The following CSMD3 variants were observed in gnomAD, a reference collection of about 807,000 sequenced individuals.
CSMD3 encodes the protein CUB and Sushi multiple domains 3.
Under a neutral mutation model 435.2 loss-of-function variants are expected in CSMD3, and 177 were observed. That is an observed-to-expected ratio of 0.41 (90% confidence interval 0.36 to 0.46). The LOEUF is 0.46. Among genes scored for constraint, CSMD3 ranks in the 20% least tolerant of loss-of-function variants. The pLI, the probability that CSMD3 is intolerant of heterozygous loss-of-function variation, is 0.34. For missense variants in CSMD3, 4,265 were observed against 4,504.6 expected, an observed-to-expected ratio of 0.95 and a Z score of 1.52; for synonymous variants, 1,656 against 1,520.5, an observed-to-expected ratio of 1.09 and a Z score of -2.07.
At chr8:112,403,267 C>T (rs1831491072) in intron 35 of CSMD3, among the ~76,000 whole-genome samples, 1 of 152,180 alleles carries the variant, frequency 6.6e-6, no homozygotes. Context: ...CCTGCCTCCA[C>T]TCTAACCCTT....
intron 30 of CSMD3, among the ~76,000 whole-genome samples, chr8:112,495,715 A>G (rs1563617383): frequency 6.6e-6 from 1 of 152,154 alleles, no homozygotes; most frequent in Non-Finnish European, 1.5e-5. Flanking sequence ...TATGAGGCAG[A>G]CAAGTTATCA....
chr8:112,544,908 T>C (rs1407136654), intron 27 of CSMD3, among the ~76,000 whole-genome samples: 2 of 152,188 alleles, frequency 1.3e-5, no homozygotes, highest in Non-Finnish European at 2.9e-5. Context: ...TATTGCAAGA[T>C]AATAAAGCAT....
chr8:112,268,565 A>G (rs1453778580), intron 59 of CSMD3, among the ~76,000 whole-genome samples: 1 of 152,206 alleles, frequency 6.6e-6, no homozygotes, highest in African/African-American at 2.4e-5. Context: ...GCATGTAACT[A>G]TTAATATACA....
chr8:112,464,430 A>G (rs932317902), intron 32 of CSMD3, among the ~76,000 whole-genome samples: 1 of 151,996 alleles, frequency 6.6e-6, no homozygotes, highest in Non-Finnish European at 1.5e-5. Flanking sequence ...TCTAACCTTG[A>G]AGTTACTAAT....
intron 6 of CSMD3, among the ~76,000 whole-genome samples, chr8:112,990,592 G>A (rs2085420525): frequency 6.6e-6 from 1 of 151,830 alleles, no homozygotes; most frequent in Non-Finnish European, 1.5e-5. Context: ...AAGAAAATAA[G>A]TAAATAGTCC....
intron 22 of CSMD3, among the ~76,000 whole-genome samples, chr8:112,602,582 A>AT (rs1338935043): frequency 6.9e-6 from 1 of 144,854 alleles, no homozygotes; most frequent in Non-Finnish European, 1.5e-5. Flanking sequence ...AAAAAAAAAA[A>AT]AGAAAGAAAA....
At chr8:112,941,856 C>T (rs988083383) in intron 9 of CSMD3, among the ~76,000 whole-genome samples, 1 of 151,448 alleles carries the variant, frequency 6.6e-6, no homozygotes, top group Non-Finnish European at 1.5e-5. Context: ...CCAAACACTA[C>T]CCCTCTCTCC....
chr8:112,867,305 C>A (rs2081011263), intron 10 of CSMD3, among the ~76,000 whole-genome samples: 1 of 152,118 alleles, frequency 6.6e-6, no homozygotes, highest in Non-Finnish European at 1.5e-5. Context: ...TGAAACAAGG[C>A]TGATAGTTTG....
chr8:113,232,996 AC>A (rs1198898760), intron 3 of CSMD3, among the ~76,000 whole-genome samples: 1 of 151,916 alleles, frequency 6.6e-6, no homozygotes, highest in Non-Finnish European at 1.5e-5. Context: ...GTTGAGTTAG[AC>A]TTTGTAGGCT....
intron 58 of CSMD3, 61 bp from the exon 59 acceptor site, chr8:112,281,411 A>C: frequency 1.5e-6 from 2 of 1,347,758 alleles, no homozygotes; most frequent in Admixed American, 3.5e-5. Context: ...CTTCCCAAAA[A>C]AGTTAATGAC....
intron 55 of CSMD3, 95 bp from the exon 56 acceptor site, chr8:112,291,790 G>C (rs1049979871): frequency 1.2e-6 from 1 of 814,216 alleles, no homozygotes; most frequent in Non-Finnish European, 2.0e-6. Context: ...AGTTTCAAAA[G>C]TAAATTTATT....
chr8:113,242,284 A>G (rs567732097), intron 3 of CSMD3, among the ~76,000 whole-genome samples: 1 of 152,110 alleles, frequency 6.6e-6, no homozygotes, highest in South Asian at 2.1e-4. Flanking sequence ...TAAAATATTA[A>G]TACAATAAAG....
chr8:113,018,188 A>G (rs2086542760), intron 6 of CSMD3, among the ~76,000 whole-genome samples: 1 of 152,086 alleles, frequency 6.6e-6, no homozygotes, highest in Admixed American at 6.6e-5. Flanking sequence ...TTAATAGAAC[A>G]GCTTCAGAGA....
chr8:112,286,914 G>A (rs1819264950), intron 58 of CSMD3, 150 bp downstream of exon 58: 3 of 699,198 alleles, frequency 4.3e-6, no homozygotes, highest in Non-Finnish European at 7.6e-6. Flanking sequence ...TTAGGAGATG[G>A]TTACAGTATA....
intron 33 of CSMD3, 25 bp downstream of exon 33, chr8:112,408,894 G>T: frequency 6.2e-7 from 1 of 1,613,152 alleles, no homozygotes; most frequent in Non-Finnish European, 8.5e-7. Context: ...AGTAACTGAT[G>T]CATGGCAGTT....
intron 4 of CSMD3, among the ~76,000 whole-genome samples, chr8:113,145,900 A>C (rs2091663031): frequency 6.6e-6 from 1 of 151,576 alleles, no homozygotes; most frequent in Non-Finnish European, 1.5e-5. Context: ...AATCCATGTG[A>C]AACAGTTTAT....
At chr8:112,844,793 G>A (rs1383545011) in intron 11 of CSMD3, among the ~76,000 whole-genome samples, 1 of 151,872 alleles carries the variant, frequency 6.6e-6, no homozygotes, top group African/African-American at 2.4e-5. Flanking sequence ...GTGCATCTCG[G>A]TTGTTTTAAT....
intron 12 of CSMD3, among the ~76,000 whole-genome samples, chr8:112,818,027 T>A (rs544131796): frequency 6.6e-6 from 1 of 151,862 alleles, no homozygotes; most frequent in Admixed American, 6.6e-5. Context: ...TATTTTTTTA[T>A]GCTTTGTAAC....
chr8:112,747,699 G>T (rs961610062), intron 13 of CSMD3, among the ~76,000 whole-genome samples: 1 of 152,256 alleles, frequency 6.6e-6, no homozygotes, highest in South Asian at 2.1e-4. Context: ...CAGGCGGCCG[G>T]GCGCGGTGGC....
Sources: allele counts gnomAD v4.1 joint callset (sites outside exome capture counted in the v4.1 genomes callset), GRCh38; gene constraint gnomAD v4.1.1; transcripts MANE v1.5; gene names NCBI Gene and HGNC (gene_info 2026-07-23, HGNC 2026-07-21).